TJP2: variants seen among roughly 807,000 people sequenced by gnomAD.
TJP2 encodes tight junction protein 2.
TJP2 carries 91 observed loss-of-function variants against 133.1 expected under a neutral mutation model. The ratio of observed to expected loss-of-function variants is 0.68; its 90% CI spans 0.58 to 0.81. TJP2 has a LOEUF of 0.81. Ranked by LOEUF, TJP2 falls within the 40% of genes least tolerant of loss-of-function variation. The pLI is 0.00. For missense variants in TJP2, 1,541 were observed against 1,565.6 expected (o/e 0.98, Z 0.26); for synonymous variants, 592 against 583.4 (o/e 1.01, Z -0.21).
Position 69,248,134 on chromosome 9 carries a change from C to A in TJP2, c.2790C>A (p.Gly930=), listed in dbSNP as rs189082774. The A allele has an allele frequency of 1.2e-6, 2 of 1,614,164 alleles. No individual in the cohort carries two copies. Among genetic ancestry groups the A allele is most frequent in the African/African-American group, 2.7e-5 (2 of 75,030 alleles). ...TTGAAGACACGGACGGTGAAGGAGGCGCCTACACTGACAATGAGCTGGATG... is the reference window on the plus strand; with the variant it reads ...TTGAAGACACGGACGGTGAAGGAGGAGCCTACACTGACAATGAGCTGGATG... ...SDFEDTDGEG[G]AYTDNELDEP... Residue 930 remains glycine, a synonymous_variant, in exon 19 of 23, where the codon GGC becomes GGA. Coordinates refer to ENST00000377245, the MANE Select transcript of TJP2 (RefSeq NM_004817.4).
In TJP2 at chr9:69,238,845, T is replaced by C. The variant is rs1357964755; in HGVS notation, c.2355+56T>C. On this transcript the variant is annotated intron_variant, in intron 16 of 22. Coordinates refer to ENST00000377245, the MANE Select transcript of TJP2 (RefSeq NM_004817.4). ...CAGAAAGAATTAGATTATGGTTTGC[T>C]GCAGTCACTTTTAGGATAGTATCTG... 34 of 1,404,690 alleles carry C rather than the reference T, an allele frequency of 2.4e-5. 1 individual carries two copies. The East Asian group carries it at 3.8e-4, about 16-fold the overall frequency. The allele number at this position is 1,404,690 out of a possible 1,614,324, so 87.0% of individuals were successfully genotyped here.
At chr9:69,237,393 C>G (rs1830266605) in intron 14 of TJP2, among the ~76,000 whole-genome samples, 1 of 152,156 alleles carries the variant, frequency 6.6e-6, no homozygotes, top group Non-Finnish European at 1.5e-5. Flanking sequence ...TGGCTGGGCA[C>G]TGTACCTTAT....
Position 69,152,132 on chromosome 9 carries a change from T to C in TJP2, c.-10+361T>C, listed in dbSNP as rs1823504436. Among the ~76,000 whole-genome samples, 3 of 152,164 alleles carry C rather than the reference T, an allele frequency of 2.0e-5. No individual in the cohort carries two copies. In the South Asian group the frequency reaches 6.2e-4, roughly 32 times the overall value. ...GAGGTCATTTTAATAGGTTATATTT[T>C]TTCATTATCATTGAGGTAGTAAAAT... On this transcript the variant is annotated intron_variant, in intron 2 of 5. Coordinates refer to the TJP2 transcript ENST00000423935.
intron 1 of TJP2, among the ~76,000 whole-genome samples, chr9:69,202,554 AAC>A (rs1202874102): frequency 2.0e-5 from 3 of 152,222 alleles, no homozygotes; most frequent in African/African-American, 7.2e-5. Flanking sequence ...CCATAACATA[AAC>A]AGTCAATGAA....
At chr9:69,208,972 A>G (rs1263780135) in intron 1 of TJP2, among the ~76,000 whole-genome samples, 2 of 152,080 alleles carry the variant, frequency 1.3e-5, no homozygotes, top group East Asian at 3.9e-4. Context: ...GAGCTTGGAG[A>G]AGTGGGCATG....
chr9:69,244,562 G>A (rs1830796224), intron 17 of TJP2, among the ~76,000 whole-genome samples: 1 of 152,160 alleles, frequency 6.6e-6, no homozygotes, highest in Non-Finnish European at 1.5e-5. Flanking sequence ...TATCCAAGGG[G>A]ATATAGGCAT....
At chr9:69,189,090 T>G (rs1234637314) in intron 1 of TJP2, among the ~76,000 whole-genome samples, 3 of 152,224 alleles carry the variant, frequency 2.0e-5, no homozygotes, top group Non-Finnish European at 2.9e-5. Flanking sequence ...TAGTCAGCTT[T>G]CTTCTACTAT....
chr9:69,168,800 CAAAAAAAA>C (rs71507119), intron 2 of TJP2, among the ~76,000 whole-genome samples: 1 of 136,784 alleles, frequency 7.3e-6, no homozygotes, highest in Non-Finnish European at 1.6e-5. Context: ...GAAACTGTCT[CAAAAAAAA>C]AAAAAAAAGA....
chr9:69,202,490 A>T (rs1034897771), intron 1 of TJP2, among the ~76,000 whole-genome samples: 2 of 152,294 alleles, frequency 1.3e-5, no homozygotes, highest in South Asian at 4.1e-4. Flanking sequence ...TCCATGTATA[A>T]CTTTTGACTC....
At chr9:69,156,559 T>G (rs1216161956) in intron 2 of TJP2, among the ~76,000 whole-genome samples, 1 of 135,654 alleles carries the variant, frequency 7.4e-6, no homozygotes, top group Non-Finnish European at 1.5e-5. Flanking sequence ...TGAGACGGAG[T>G]CTCGTTCTGT....
In TJP2 at chr9:69,223,069, G is replaced by GAAAA. The variant is rs57114714; in HGVS notation, c.952+1592_952+1595dup. Among the ~76,000 whole-genome samples the GAAAA allele has an allele frequency of 4.9e-3, 560 of 114,026 alleles. 24 individuals are homozygous for GAAAA. The highest frequency in any genetic ancestry group is 0.016 in the African/African-American group (522 of 32,612). 74.8% of individuals were successfully genotyped at this position (114,026 alleles called of 152,430 possible). On this transcript the variant is annotated intron_variant, in intron 5 of 22. Transcript: ENST00000377245. Reference sequence around the variant, plus strand: ...GGGTGACAGAGCGAGACTCTGTCTTGAAAAAAAAAAAAAAAAAAAAAAGAA... The same window carrying GAAAA: ...GGGTGACAGAGCGAGACTCTGTCTTGAAAAAAAAAAAAAAAAAAAAAAAAAAGAA...
intron 22 of TJP2, 62 bp from the exon 23 acceptor site, chr9:69,254,147 C>G: frequency 1.9e-6 from 3 of 1,593,310 alleles, no homozygotes; most frequent in Non-Finnish European, 2.6e-6. Flanking sequence ...AGCCATGCCT[C>G]CCCGGGCAGC....
intron 1 of TJP2, among the ~76,000 whole-genome samples, chr9:69,143,844 C>G (rs920401711): frequency 6.6e-6 from 1 of 152,040 alleles, no homozygotes; most frequent in Admixed American, 6.6e-5. Context: ...TATACCCTGT[C>G]AGAGTTTTAA....
chr9:69,225,182 A>G, intron 5 of TJP2, 122 bp from the exon 6 acceptor site: 1 of 686,058 alleles, frequency 1.5e-6, no homozygotes, highest in Non-Finnish European at 2.6e-6. Context: ...CAGTCATCTT[A>G]CAGAATTTCC....
At chr9:69,136,836 CTT>C in intron 1 of TJP2, among the ~76,000 whole-genome samples, 1 of 152,114 alleles carries the variant, frequency 6.6e-6, no homozygotes, top group Non-Finnish European at 1.5e-5. Flanking sequence ...AGGATATCCT[CTT>C]GTCATGAACT....
At chr9:69,218,182 A>G in intron 3 of TJP2, 75 bp from the exon 4 acceptor site, 7 of 1,259,268 alleles carry the variant, frequency 5.6e-6, no homozygotes, top group Non-Finnish European at 6.9e-6. Context: ...TGCTGCTTCT[A>G]TTTGTTCCTA....
intron 3 of TJP2, among the ~76,000 whole-genome samples, chr9:69,217,320 G>C (rs1348300034): frequency 1.3e-5 from 2 of 152,206 alleles, no homozygotes; most frequent in Non-Finnish European, 2.9e-5. Context: ...ATACATGCCT[G>C]ATTCCCACAG....
intron 17 of TJP2, among the ~76,000 whole-genome samples, chr9:69,240,570 A>G (rs777928419): frequency 4.6e-5 from 7 of 152,194 alleles, no homozygotes; most frequent in Non-Finnish European, 8.8e-5. Flanking sequence ...GGTGGATAAC[A>G]CTTGTAATCC....
intron 1 of TJP2, among the ~76,000 whole-genome samples, chr9:69,192,499 A>G (rs1826270541): frequency 6.6e-6 from 1 of 152,104 alleles, no homozygotes; most frequent in South Asian, 2.1e-4. Context: ...CCCAAGAGGA[A>G]GCAAAAGCCT....
Sources: gnomAD v4.1 joint callset for allele counts (sites outside exome capture counted in the v4.1 genomes callset) on GRCh38, gnomAD v4.1.1 for gene constraint, MANE v1.5 for transcripts, NCBI Gene and HGNC (gene_info 2026-07-23, HGNC 2026-07-21) for gene names.